ANKLE2: variants seen among roughly 807,000 people sequenced by gnomAD.
The protein encoded by ANKLE2 is ankyrin repeat and LEM domain-containing protein 2.
Under a neutral mutation model 84.2 loss-of-function variants are expected in ANKLE2, and 55 were observed. That is an observed-to-expected ratio of 0.65 (90% CI 0.53 to 0.82). The LOEUF (loss-of-function observed/expected upper bound fraction) is 0.82, where lower values mean the gene tolerates loss of function less well. ANKLE2 is among the 40% of genes least tolerant of loss of function. ANKLE2 has a pLI of 0.00. For missense variants in ANKLE2, 1,238 were observed against 1,201.9 expected, an observed-to-expected ratio of 1.03 and a Z score of -0.44; for synonymous variants, 551 against 486.1, an observed-to-expected ratio of 1.13 and a Z score of -1.76.
Position 132,750,785 on chromosome 12 carries a change from G to C in ANKLE2, c.705C>G (p.Ser235=). 6.2e-7 allele frequency: 1 copy of C among 1,614,062 alleles called. No homozygotes were observed. Among genetic ancestry groups the C allele is most frequent in the Non-Finnish European group, 8.5e-7 (1 of 1,180,022 alleles). ...ALQAVKMIKG[S]RFKAFSTRED... ...CTCTGGTAGAAAAAGCTTTAAATCG[G>C]GACCCTTTGATCATCTTGACAGCTT... is the stretch of plus-strand genomic sequence containing the variant. The change falls in exon 3 of 13, where the codon TCC becomes TCG. Residue 235 remains serine, a synonymous_variant. Coordinates refer to ENST00000357997, the MANE Select transcript of ANKLE2 (RefSeq NM_015114.3).
Position 132,734,582 on chromosome 12 carries a change from GAAACAA to G in ANKLE2, c.1701-13_1701-8del. ...CAGCTCATGAGCTAGCTCCCTGTAA[GAAACAA>G]AACACAATTAACCAGCTGTGAAACC... is the stretch of plus-strand genomic sequence containing the variant. On this transcript the variant is annotated splice_polypyrimidine_tract_variant and splice_region_variant and intron_variant, in intron 9 of 12. Coordinates refer to ENST00000357997, the MANE Select transcript of ANKLE2 (RefSeq NM_015114.3). 1 of 1,595,702 alleles carries G rather than the reference GAAACAA, an allele frequency of 6.3e-7. No individual in the cohort carries two copies. The highest frequency in any genetic ancestry group is 8.5e-7 in the Non-Finnish European group (1 of 1,172,760).
Position 132,743,248 on chromosome 12 carries a change from C to G in ANKLE2, c.1259G>C (p.Cys420Ser). 1 of 1,611,108 alleles carries G rather than the reference C, an allele frequency of 6.2e-7. No individual in the cohort carries two copies. Among genetic ancestry groups the G allele is most frequent in the Non-Finnish European group, 8.5e-7 (1 of 1,178,606 alleles). The change falls in exon 6 of 13, where the codon TGT (cysteine) becomes TCT (serine). Residue 420 changes from cysteine to serine, a missense_variant. Physicochemically the swap from Cys to Ser is moderately radical, Grantham distance 112. Around this residue, in one of 3 missense-constraint regions of ANKLE2, gnomAD observed 802 missense variants for 774.5 expected, o/e 1.04. Coordinates refer to ENST00000357997, the MANE Select transcript of ANKLE2 (RefSeq NM_015114.3). This position sits in a 1 kb window ranked among gnomAD's most constrained non-coding sequence, Gnocchi z 4.1. ...GACTACATCTGCATTTCCAAACTTA[C>G]AAGCAAAATGCAACGGTGTGTCATA... Reference protein sequence around the residue: ...MGYDTPLHFACKFGNADVVNV... With the variant: ...MGYDTPLHFASKFGNADVVNV...
At chr12:132,751,119 T>A in intron 2 of ANKLE2, 1 of 303,762 alleles carries the variant, frequency 3.3e-6, no homozygotes, top group Non-Finnish European at 5.9e-6. Context: ...AAAACTAAAT[T>A]TCATATAAAG....
Position 132,761,602 on chromosome 12 carries a change from A to AC in ANKLE2, c.181+15dup. Reference sequence around the variant, plus strand: ...GGGGCCAGGGTGCGGGGACCCAGCGACCGCCTGGGCCTTACCTGAGGCGGG... The same window carrying AC: ...GGGGCCAGGGTGCGGGGACCCAGCGACCCGCCTGGGCCTTACCTGAGGCGGG... On this transcript the variant is annotated intron_variant, in intron 1 of 12. Coordinates refer to ENST00000357997, the MANE Select transcript of ANKLE2 (RefSeq NM_015114.3). The AC allele has an allele frequency of 8.2e-7, 1 of 1,220,612 alleles. No homozygotes were observed. Among genetic ancestry groups the AC allele is most frequent in the Non-Finnish European group, 1.0e-6 (1 of 979,776 alleles). The allele number at this position is 1,220,612 out of a possible 1,614,324, so 75.6% of individuals were successfully genotyped here. A position where few individuals can be genotyped will look rare whatever the true frequency, so the allele number is the denominator to read the frequency against.
chr12:132,728,116 C>T lies in ANKLE2; in HGVS notation c.2531G>A (p.Cys844Tyr). Residue 844 changes from cysteine (C) to tyrosine (Y), a missense_variant, in exon 12 of 13, where the codon TGT (cysteine) becomes TAT (tyrosine). Cys to Tyr is a radical substitution (Grantham distance 194). Transcript: ENST00000357997. ...LDQDVLAALE[C>Y]ADVDPHQFPA... ...GAACTGATGGGGGTCGACGTCTGCA[C>T]ATTCAAGAGCGGCCAAAACATCCTG... 6.2e-7 allele frequency: 1 copy of T among 1,613,052 alleles called. No individual in the cohort carries two copies.
At chr12:132,752,171 T>C (rs923780834) in intron 2 of ANKLE2, among the ~76,000 whole-genome samples, 2 of 151,892 alleles carry the variant, frequency 1.3e-5, no homozygotes, top group Non-Finnish European at 2.9e-5. Flanking sequence ...AGAAACCCTG[T>C]CTCTACTAAA....
intron 6 of ANKLE2, 95 bp from the exon 7 acceptor site, chr12:132,741,580 G>T (rs571411464): frequency 1.2e-4 from 142 of 1,151,050 alleles, no homozygotes; most frequent in Middle Eastern, 9.7e-4. Flanking sequence ...ACTCAGTAAA[G>T]TAGAATAGTA....
intron 10 of ANKLE2, among the ~76,000 whole-genome samples, chr12:132,732,388 G>C (rs1165492869): frequency 1.2e-3 from 119 of 95,314 alleles, no homozygotes; most frequent in African/African-American, 2.2e-3. Flanking sequence ...CGCTCTGCGT[G>C]CTGGTGTCTG....
intron 10 of ANKLE2, among the ~76,000 whole-genome samples, 157 bp downstream of exon 10, chr12:132,734,226 CAA>C (rs780307610): frequency 2.0e-5 from 3 of 152,114 alleles, no homozygotes; most frequent in Non-Finnish European, 2.9e-5. Flanking sequence ...GCTTGGGTAA[CAA>C]AGAGAGGTTC....
At position 132,743,633 on chromosome 12, in the gene ANKLE2, G is replaced by C. The variant is rs908464655; in HGVS notation, c.1231-357C>G. On this transcript the variant is annotated intron_variant, in intron 5 of 12. Transcript: ENST00000357997. This position sits in a 1 kb window ranked among gnomAD's most constrained non-coding sequence, Gnocchi z 4.1. Reference sequence around the variant, plus strand: ...CAAAGTGCTGGGATTACAGGTGTGAGTCACCGAGCCTGGCTTATACTTTTT... The same window carrying C: ...CAAAGTGCTGGGATTACAGGTGTGACTCACCGAGCCTGGCTTATACTTTTT... Among the ~76,000 whole-genome samples the C allele has an allele frequency of 2.0e-5, 3 of 149,562 alleles. No individual in the cohort carries two copies. The highest frequency in any genetic ancestry group is 4.9e-5 in the African/African-American group (2 of 40,434).
At chr12:132,732,478 TGCACC>T (rs1365877740) in intron 10 of ANKLE2, among the ~76,000 whole-genome samples, 1 of 128,832 alleles carries the variant, frequency 7.8e-6, no homozygotes, top group African/African-American at 3.1e-5. Context: ...GTGTCTGACA[TGCACC>T]GTGTGAAGCT....
intron 9 of ANKLE2, 99 bp downstream of exon 9, chr12:132,735,307 T>G: frequency 1.8e-6 from 2 of 1,110,690 alleles, no homozygotes; most frequent in Non-Finnish European, 2.7e-6. Flanking sequence ...AAAAGCCTTC[T>G]GGAAATTGGT....
At chr12:132,730,517 C>T (rs1433672040) in intron 10 of ANKLE2, 3 of 480,178 alleles carry the variant, frequency 6.2e-6, no homozygotes, top group South Asian at 3.9e-5. Flanking sequence ...AAACAGGACC[C>T]TCCAGACACA....
intron 2 of ANKLE2, among the ~76,000 whole-genome samples, chr12:132,751,493 G>A (rs1335968168): frequency 4.0e-5 from 6 of 150,440 alleles, no homozygotes; most frequent in Non-Finnish European, 5.9e-5. Context: ...TGTCCGCCTC[G>A]GCCTCCCAGA....
chr12:132,730,988 A>C (rs2043832780), intron 10 of ANKLE2: 1 of 152,258 alleles, frequency 6.6e-6, no homozygotes, highest in African/African-American at 2.4e-5. Context: ...GCCCCAGAGG[A>C]TCCCGAAGAT....
At chr12:132,735,276 G>T in intron 9 of ANKLE2, 130 bp downstream of exon 9, 1 of 863,426 alleles carries the variant, frequency 1.2e-6, no homozygotes, top group Non-Finnish European at 1.9e-6. Flanking sequence ...AGACCTTCAC[G>T]AAAAGGACCA....
At position 132,734,271 on chromosome 12, in the gene ANKLE2, C is replaced by T. The variant is rs2136119807; in HGVS notation, c.1891+114G>A. ...AAAAATACTAACCTAAGGGAAAGTA[C>T]CAGACCTTTACGTTAAAAACACCAA... On this transcript the variant is annotated intron_variant, in intron 10 of 12. Transcript: ENST00000357997. The T allele has an allele frequency of 6.1e-6, 7 of 1,148,842 alleles. No individual in the cohort carries two copies. The South Asian group carries it at 8.3e-5, about 14-fold the overall frequency. The allele number at this position is 1,148,842 out of a possible 1,614,324, so 71.2% of individuals were successfully genotyped here.
intron 6 of ANKLE2, chr12:132,742,233 A>G (rs1320519973): frequency 6.4e-6 from 1 of 157,430 alleles, no homozygotes; most frequent in East Asian, 1.9e-4. Flanking sequence ...AAAGAATCAC[A>G]TGTATGCAAA....
intron 6 of ANKLE2, chr12:132,742,026 G>C (rs937985516): frequency 1.5e-5 from 5 of 336,938 alleles, no homozygotes; most frequent in Non-Finnish European, 2.3e-5. Flanking sequence ...TAAAAGGAAA[G>C]AAAGGAACCA....
Sources: allele counts gnomAD v4.1 joint callset (sites outside exome capture counted in the v4.1 genomes callset), GRCh38; gene constraint gnomAD v4.1.1; regional missense constraint gnomAD v4.1.1; non-coding constraint Gnocchi (gnomAD v3.1); transcripts MANE v1.5; gene names NCBI Gene and HGNC (gene_info 2026-07-23, HGNC 2026-07-21).